The following NEGR1 variants were observed in gnomAD, a reference collection of about 807,000 sequenced individuals.
NEGR1 encodes IgLON family member 4.
Under a neutral mutation model 40.9 loss-of-function variants are expected in NEGR1, and 10 were observed. That is an observed-to-expected ratio of 0.24 (90% CI 0.15 to 0.42). NEGR1 has a LOEUF of 0.42. Ranked by LOEUF, NEGR1 falls within the 10% of genes least tolerant of loss-of-function variation. NEGR1 has a pLI of 1.00. For synonymous variants in NEGR1, 185 were observed against 166.8 expected, an observed-to-expected ratio of 1.11 and a Z score of -0.84; for missense variants, 352 against 438.9, an observed-to-expected ratio of 0.80 and a Z score of 1.77.
chr1:71,973,511 T>C (rs1646276293), intron 1 of NEGR1, among the ~76,000 whole-genome samples: 1 of 152,102 alleles, frequency 6.6e-6, no homozygotes, highest in African/African-American at 2.4e-5. Context: ...GAGATTTTAA[T>C]TTTCATCCAG....
intron 3 of NEGR1, among the ~76,000 whole-genome samples, chr1:71,747,165 T>C (rs913487053): frequency 2.0e-5 from 3 of 151,840 alleles, no homozygotes; most frequent in South Asian, 4.2e-4. Flanking sequence ...TAGTGACAAA[T>C]AGACACACTG....
intron 1 of NEGR1, among the ~76,000 whole-genome samples, chr1:71,990,671 G>A (rs1168639112): frequency 6.6e-6 from 1 of 151,950 alleles, no homozygotes; most frequent in East Asian, 1.9e-4. Flanking sequence ...TCTTAGAATA[G>A]TCCTAGTCTA....
At chr1:71,505,465 T>C (rs1388506337) in intron 6 of NEGR1, among the ~76,000 whole-genome samples, 2 of 152,120 alleles carry the variant, frequency 1.3e-5, no homozygotes, top group African/African-American at 4.8e-5. Flanking sequence ...GCATTTTTAG[T>C]AGAGACGGGG....
At chr1:72,202,804 T>C (rs901280103) in intron 1 of NEGR1, among the ~76,000 whole-genome samples, 5 of 152,026 alleles carry the variant, frequency 3.3e-5, no homozygotes. Context: ...GACATTAAGT[T>C]GAAGCCAATG....
chr1:71,927,466 G>C (rs1053146429), intron 2 of NEGR1, among the ~76,000 whole-genome samples: 1 of 152,134 alleles, frequency 6.6e-6, no homozygotes. Flanking sequence ...CCTTGATTCT[G>C]AATTTGTCTG....
intron 1 of NEGR1, among the ~76,000 whole-genome samples, chr1:72,199,055 C>A (rs1310070929): frequency 1.3e-5 from 2 of 151,672 alleles, no homozygotes; most frequent in Admixed American, 6.6e-5. Context: ...CTGGATGTCA[C>A]CTGTTTTGCC....
chr1:72,193,659 T>TA (rs1387235771), intron 1 of NEGR1, among the ~76,000 whole-genome samples: 2 of 42,180 alleles, frequency 4.7e-5, no homozygotes, highest in Non-Finnish European at 1.1e-4. Flanking sequence ...AATATATATA[T>TA]TTTTCATATT....
intron 1 of NEGR1, among the ~76,000 whole-genome samples, chr1:72,082,439 T>C (rs1648041764): frequency 6.6e-6 from 1 of 152,138 alleles, no homozygotes; most frequent in South Asian, 2.1e-4. Context: ...CTTGTGGTCA[T>C]ATAAGAATCC....
intron 1 of NEGR1, among the ~76,000 whole-genome samples, chr1:72,131,236 C>T (rs1026903011): frequency 7.9e-5 from 12 of 152,224 alleles, no homozygotes; most frequent in African/African-American, 2.9e-4. Flanking sequence ...TCTGAAAATA[C>T]ATATCCAACA....
chr1:71,492,083 A>T (rs1191300701), intron 6 of NEGR1, among the ~76,000 whole-genome samples: 2 of 152,112 alleles, frequency 1.3e-5, no homozygotes, highest in African/African-American at 4.8e-5. Flanking sequence ...CCCCTACCAG[A>T]AACTGAACCT....
intron 1 of NEGR1, among the ~76,000 whole-genome samples, chr1:72,125,798 A>T (rs1313332633): frequency 6.6e-6 from 1 of 152,154 alleles, no homozygotes; most frequent in Admixed American, 6.5e-5. Flanking sequence ...TAAATTATTG[A>T]AAGTAATTAA....
intron 2 of NEGR1, among the ~76,000 whole-genome samples, chr1:71,898,646 CAAAA>C (rs1370024368): frequency 7.0e-6 from 1 of 142,806 alleles, no homozygotes; most frequent in Non-Finnish European, 1.6e-5. Context: ...AACAAATAAA[CAAAA>C]AAACTGCTTT....
intron 2 of NEGR1, among the ~76,000 whole-genome samples, chr1:71,927,851 A>AAAAG (rs1557437874): frequency 2.4e-5 from 3 of 125,382 alleles, no homozygotes; most frequent in African/African-American, 9.6e-5. Context: ...AAAAAAAAAA[A>AAAAG]GCCAGGCAGA....
chr1:71,425,426 T>G (rs573023559), intron 6 of NEGR1, among the ~76,000 whole-genome samples: 2 of 152,242 alleles, frequency 1.3e-5, no homozygotes, highest in East Asian at 3.9e-4. Context: ...TACAAACCTT[T>G]CCCCAACTAT....
At chr1:72,052,467 G>C (rs1647071186) in intron 1 of NEGR1, among the ~76,000 whole-genome samples, 1 of 151,426 alleles carries the variant, frequency 6.6e-6, no homozygotes, top group Non-Finnish European at 1.5e-5. Context: ...CTCATGGACA[G>C]AGCTGACAAA....
chr1:71,466,177 T>C (rs1230424789), intron 6 of NEGR1, among the ~76,000 whole-genome samples: 2 of 152,112 alleles, frequency 1.3e-5, no homozygotes, highest in Non-Finnish European at 2.9e-5. Context: ...AGAGAGTTTA[T>C]GGTGCCTGGC....
chr1:71,609,512 C>A (rs1218598658), intron 5 of NEGR1, among the ~76,000 whole-genome samples: 1 of 9,550 alleles, frequency 1.0e-4, no homozygotes, highest in East Asian at 3.3e-3. Flanking sequence ...AAGACTCCGT[C>A]TCAAAAAAAA....
At chr1:72,082,858 C>T (rs1024149394) in intron 1 of NEGR1, among the ~76,000 whole-genome samples, 1 of 152,038 alleles carries the variant, frequency 6.6e-6, no homozygotes, top group Non-Finnish European at 1.5e-5. Flanking sequence ...ATTTTCTTCA[C>T]TCAAACACAA....
intron 1 of NEGR1, among the ~76,000 whole-genome samples, chr1:72,141,525 T>C (rs201161593): frequency 1.3e-5 from 2 of 151,992 alleles, no homozygotes; most frequent in East Asian, 3.9e-4. Context: ...TAAAATACTA[T>C]GCAATCAAAT....
Sources: gnomAD v4.1 joint callset for allele counts (sites outside exome capture counted in the v4.1 genomes callset) on GRCh38, gnomAD v4.1.1 for gene constraint, MANE v1.5 for transcripts, NCBI Gene and HGNC (gene_info 2026-07-23, HGNC 2026-07-21) for gene names.